AKAP19: variants seen among roughly 807,000 people sequenced by gnomAD.
AKAP19 encodes the protein A-kinase anchoring protein 19.
the AKAP19 span, among the ~76,000 whole-genome samples, chr2:190,000,407 C>T: frequency 2.0e-5 from 3 of 152,204 alleles, no homozygotes; most frequent in African/African-American, 4.8e-5. Flanking sequence ...CACAAGTAAC[C>T]TGACTAAAAG....
chr2:189,991,368 G>T, the AKAP19 span, among the ~76,000 whole-genome samples: 23,205 of 151,968 alleles, frequency 0.15, 1,852 homozygotes, highest in Middle Eastern at 0.26. Context: ...ATTATTTTTT[G>T]ATTTTTAAAT....
At chr2:190,015,320 C>T in the AKAP19 span, among the ~76,000 whole-genome samples, 1 of 152,206 alleles carries the variant, frequency 6.6e-6, no homozygotes. Context: ...TCTGTGCACT[C>T]ATGGGCCCAA....
the AKAP19 span, among the ~76,000 whole-genome samples, chr2:189,961,140 C>T: frequency 1.1e-4 from 17 of 152,300 alleles, no homozygotes; most frequent in African/African-American, 4.1e-4. Context: ...ATTCCTTCTA[C>T]TCCTTTTAAT....
chr2:190,025,416 C>A, the AKAP19 span, among the ~76,000 whole-genome samples: 1 of 152,092 alleles, frequency 6.6e-6, no homozygotes, highest in African/African-American at 2.4e-5. Context: ...TGAGAACATT[C>A]ACATATGATA....
the AKAP19 span, among the ~76,000 whole-genome samples, chr2:189,981,884 A>C: frequency 6.6e-6 from 1 of 152,172 alleles, no homozygotes; most frequent in East Asian, 1.9e-4. Context: ...TTAGTCTGAC[A>C]AGATTTCCTT....
chr2:190,132,595 A>G, the AKAP19 span, among the ~76,000 whole-genome samples: 27 of 152,096 alleles, frequency 1.8e-4, no homozygotes, highest in African/African-American at 5.8e-4. Flanking sequence ...GAAGAATGAA[A>G]TCAGACCCTT....
the AKAP19 span, among the ~76,000 whole-genome samples, chr2:190,115,042 T>A: frequency 2.7e-5 from 4 of 150,668 alleles, no homozygotes; most frequent in African/African-American, 9.8e-5. Context: ...TTCCTTAGCA[T>A]AATCTACTCC....
the AKAP19 span, among the ~76,000 whole-genome samples, chr2:189,931,921 A>T: frequency 2.6e-5 from 4 of 152,116 alleles, no homozygotes; most frequent in Non-Finnish European, 5.9e-5. Flanking sequence ...CCAGCCCGAT[A>T]CAATATTATT....
the AKAP19 span, among the ~76,000 whole-genome samples, chr2:190,014,255 G>A: frequency 6.6e-6 from 1 of 152,156 alleles, no homozygotes; most frequent in Non-Finnish European, 1.5e-5. Context: ...AAGGAAAAGG[G>A]TTTAATTGAC....
the AKAP19 span, among the ~76,000 whole-genome samples, chr2:190,182,384 G>A: frequency 6.6e-6 from 1 of 152,234 alleles, no homozygotes; most frequent in African/African-American, 2.4e-5. Context: ...AGAAATGAAA[G>A]GTCTAAAGTG....
chr2:190,120,723 G>A, the AKAP19 span, among the ~76,000 whole-genome samples: 1 of 152,050 alleles, frequency 6.6e-6, no homozygotes, highest in East Asian at 1.9e-4. Context: ...TTAAAGTTTT[G>A]ACAGAATTTT....
the AKAP19 span, among the ~76,000 whole-genome samples, chr2:190,152,956 C>T: frequency 1.3e-5 from 2 of 149,940 alleles, no homozygotes; most frequent in African/African-American, 2.5e-5. Context: ...AGTGCAGTGG[C>T]GTGATTTCAG....
the AKAP19 span, among the ~76,000 whole-genome samples, chr2:190,135,819 A>G: frequency 6.6e-6 from 1 of 152,216 alleles, no homozygotes; most frequent in African/African-American, 2.4e-5. Context: ...ATGATTTAAG[A>G]TTCTTGATTG....
chr2:189,983,059 G>T, the AKAP19 span, among the ~76,000 whole-genome samples: 13 of 152,306 alleles, frequency 8.5e-5, no homozygotes, highest in African/African-American at 2.9e-4. Context: ...ACCCTGATTG[G>T]GGCTGACGGG....
At chr2:190,023,392 T>C in the AKAP19 span, among the ~76,000 whole-genome samples, 1 of 152,102 alleles carries the variant, frequency 6.6e-6, no homozygotes, top group Non-Finnish European at 1.5e-5. Flanking sequence ...TGTAGTAACA[T>C]AGCATAACTT....
At chr2:190,051,020 G>C in the AKAP19 span, among the ~76,000 whole-genome samples, 1 of 152,304 alleles carries the variant, frequency 6.6e-6, no homozygotes, top group South Asian at 2.1e-4. Flanking sequence ...GTAGCATGAG[G>C]AGGCTTCAAG....
At chr2:190,175,576 T>G in the AKAP19 span, among the ~76,000 whole-genome samples, 1 of 152,202 alleles carries the variant, frequency 6.6e-6, no homozygotes, top group Non-Finnish European at 1.5e-5. Flanking sequence ...TAACAAAATG[T>G]GAGTAAAGGA....
the AKAP19 span, among the ~76,000 whole-genome samples, chr2:190,140,539 G>A: frequency 0.91 from 138,755 of 152,254 alleles, 64,137 homozygotes; most frequent in East Asian, 1. Flanking sequence ...TCAACACCAT[G>A]TGGAAGCTGC....
chr2:189,907,460 A>G, the AKAP19 span, among the ~76,000 whole-genome samples: 1 of 152,144 alleles, frequency 6.6e-6, no homozygotes, highest in Non-Finnish European at 1.5e-5. Context: ...AGAAAAATCT[A>G]TAAATGCTAT....
Sources: gnomAD v4.1 joint callset for allele counts (sites outside exome capture counted in the v4.1 genomes callset) on GRCh38, gnomAD v4.1.1 for gene constraint, MANE v1.5 for transcripts, NCBI Gene and HGNC (gene_info 2026-07-23, HGNC 2026-07-21) for gene names.